Variants in AGAP1 observed in about 807,000 individuals in gnomAD.
The protein encoded by AGAP1 is arf-GAP with GTPase, ANK repeat and PH domain-containing protein 1.
A neutral mutation model predicts 105.3 loss-of-function variants in AGAP1; 29 were observed. The observed-to-expected ratio is 0.28, with a 90% CI of 0.21 to 0.38. The LOEUF (loss-of-function observed/expected upper bound fraction) is 0.38, where lower values mean the gene tolerates loss of function less well. AGAP1 is among the 10% of genes least tolerant of loss of function. The pLI is 1.00. For missense variants in AGAP1, 998 were observed against 1,165.1 expected, an observed-to-expected ratio of 0.86 and a Z score of 2.09; for synonymous variants, 509 against 485.9, an observed-to-expected ratio of 1.05 and a Z score of -0.63.
rs1477904399 is a variant in AGAP1, at chr2:235,655,830, T to G, written c.164-53349T>G. On this transcript the variant is annotated intron_variant, in intron 1 of 17. Transcript: ENST00000304032. This position sits in a 1 kb window ranked among gnomAD's most constrained non-coding sequence, Gnocchi z 4.3. ...TTATTCAGTAGAAATTTCCAAGGTATTTTTTTAAGTGAGGCACCATCCTGG... is the reference window on the plus strand; with the variant it reads ...TTATTCAGTAGAAATTTCCAAGGTAGTTTTTTAAGTGAGGCACCATCCTGG... Among the ~76,000 whole-genome samples, 1 of 152,172 alleles carries G rather than the reference T, an allele frequency of 6.6e-6. No individual in the cohort carries two copies. The highest frequency in any genetic ancestry group is 1.5e-5 in the Non-Finnish European group (1 of 68,024).
chr2:235,703,629 C>G (rs201955355), intron 1 of AGAP1, among the ~76,000 whole-genome samples: 1 of 149,510 alleles, frequency 6.7e-6, no homozygotes, highest in African/African-American at 2.5e-5. Context: ...TTCCCTCCCT[C>G]GCTCTATCCC....
rs911161308 is a variant in AGAP1, at chr2:235,927,597, C to G, written c.1325-3168C>G. Among the ~76,000 whole-genome samples, 1 of 152,192 alleles carries G rather than the reference C, an allele frequency of 6.6e-6. No homozygotes were observed. Among genetic ancestry groups the G allele is most frequent in the African/African-American group, 2.4e-5 (1 of 41,438 alleles). On this transcript the variant is annotated intron_variant, in intron 11 of 17. Transcript: ENST00000304032. The surrounding 1 kb of genome is among the most constrained non-coding windows in gnomAD (Gnocchi z 4.4). ...ATCAGCAACCTCCATTGGAACATTTCGTGGTCCCTTGTCTGGGGTTGAGAT... is the reference window on the plus strand; with the variant it reads ...ATCAGCAACCTCCATTGGAACATTTGGTGGTCCCTTGTCTGGGGTTGAGAT...
At chr2:236,084,324 ACATT>A (rs1317062587) in intron 16 of AGAP1, among the ~76,000 whole-genome samples, 1 of 152,162 alleles carries the variant, frequency 6.6e-6, no homozygotes, top group African/African-American at 2.4e-5. Context: ...AATGCACAGT[ACATT>A]CATTCATTTC....
rs186919628 is a variant in AGAP1 at position 236,073,541 on chromosome 2, C to G, written c.2114+24260C>G. Among the ~76,000 whole-genome samples the G allele has an allele frequency of 6.6e-6, 1 of 152,056 alleles. No homozygotes were observed. The highest frequency in any genetic ancestry group is 1.5e-5 in the Non-Finnish European group (1 of 68,016). On this transcript the variant is annotated intron_variant, in intron 16 of 17. Coordinates refer to ENST00000304032, the MANE Select transcript of AGAP1 (RefSeq NM_001037131.3). This position sits in a 1 kb window ranked among gnomAD's most constrained non-coding sequence, Gnocchi z 5.4. The stretch of plus-strand genomic sequence containing the variant: ...ATTGGATTATACCATCTTGGTGTTG[C>G]GCCAGTCAGGAGTAATTGTTGTAAG...
At chr2:236,065,827 C>A (rs951443268) in intron 16 of AGAP1, among the ~76,000 whole-genome samples, 3 of 152,244 alleles carry the variant, frequency 2.0e-5, no homozygotes, top group Admixed American at 6.5e-5. Context: ...TTCAGCAAAG[C>A]CTTCCAGAGT....
chr2:236,100,874 GTTGTGCAT>G (rs1167290168), intron 16 of AGAP1, among the ~76,000 whole-genome samples: 1 of 151,836 alleles, frequency 6.6e-6, no homozygotes, highest in Non-Finnish European at 1.5e-5. Context: ...AAACCCAACT[GTTGTGCAT>G]TTGTTGGATT....
intron 1 of AGAP1, among the ~76,000 whole-genome samples, chr2:235,529,759 G>A (rs1205128024): frequency 1.3e-5 from 2 of 152,202 alleles, no homozygotes; most frequent in Non-Finnish European, 2.9e-5. Context: ...TGGCTGGGCA[G>A]CCGAGGAAAG....
chr2:235,648,757 T>C (rs1172786786), intron 1 of AGAP1, among the ~76,000 whole-genome samples: 3 of 149,454 alleles, frequency 2.0e-5, no homozygotes, highest in Non-Finnish European at 3.0e-5. Flanking sequence ...CATGGTGGCA[T>C]GCGCCTGTAG....
chr2:235,904,098 ATGTT>A lies in AGAP1; in HGVS notation c.1156-4635_1156-4632del, dbSNP rs1421638827. The stretch of plus-strand genomic sequence containing the variant: ...ATTTGCATCTGGGACATCAATTAGC[ATGTT>A]TGTTGAGGCTAATTGAATGAAACTC... On this transcript the variant is annotated intron_variant, in intron 10 of 17. Transcript: ENST00000304032. The surrounding 1 kb of genome is among the most constrained non-coding windows in gnomAD (Gnocchi z 4.2). Among the ~76,000 whole-genome samples the A allele has an allele frequency of 6.6e-6, 1 of 152,208 alleles. No individual in the cohort carries two copies. Among genetic ancestry groups the A allele is most frequent in the Non-Finnish European group, 1.5e-5 (1 of 68,040 alleles).
intron 15 of AGAP1, among the ~76,000 whole-genome samples, chr2:236,047,366 C>T (rs1428907287): frequency 6.6e-6 from 1 of 151,964 alleles, no homozygotes; most frequent in Non-Finnish European, 1.5e-5. Flanking sequence ...GGGGTCCACG[C>T]CAGCTGTGTG....
At chr2:235,784,719 C>T (rs919814569) in intron 6 of AGAP1, among the ~76,000 whole-genome samples, 4 of 151,658 alleles carry the variant, frequency 2.6e-5, no homozygotes, top group South Asian at 4.2e-4. Context: ...GAATTTAGAT[C>T]GTTTTAAAAA....
rs528016362 is a variant in AGAP1 at position 235,824,168 on chromosome 2, G to C, written c.1050+16837G>C. Among the ~76,000 whole-genome samples, 1 of 152,326 alleles carries C rather than the reference G, an allele frequency of 6.6e-6. No individual in the cohort carries two copies. The highest frequency in any genetic ancestry group is 2.1e-4 in the South Asian group (1 of 4,816). On this transcript the variant is annotated intron_variant, in intron 9 of 17. Transcript: ENST00000304032. The surrounding 1 kb of genome is among the most constrained non-coding windows in gnomAD (Gnocchi z 5.2). ...ACTGCAGAAACGTTTTCTAAATAGC[G>C]CCAACGCTGAGGGGTCTTCGATTGG...
chr2:235,509,855 A>G (rs1004577643), intron 1 of AGAP1, among the ~76,000 whole-genome samples: 3 of 152,172 alleles, frequency 2.0e-5, no homozygotes, highest in African/African-American at 7.2e-5. Flanking sequence ...GTGACGGGCC[A>G]GCAAGTGAAG....
chr2:236,025,534 A>T (rs1276214593), intron 13 of AGAP1, among the ~76,000 whole-genome samples: 2 of 152,148 alleles, frequency 1.3e-5, no homozygotes, highest in African/African-American at 4.8e-5. Flanking sequence ...GGGTCCAAAA[A>T]TCTATTCACT....
chr2:236,024,780 A>G (rs2057000417), intron 13 of AGAP1, among the ~76,000 whole-genome samples: 1 of 152,256 alleles, frequency 6.6e-6, no homozygotes, highest in African/African-American at 2.4e-5. Context: ...TAGAAACTGG[A>G]CACAATTAGT....
rs2051050654 is a variant in AGAP1, at chr2:235,901,264, A to G, written c.1156-7474A>G. On this transcript the variant is annotated intron_variant, in intron 10 of 17. Transcript: ENST00000304032. This position sits in a 1 kb window ranked among gnomAD's most constrained non-coding sequence, Gnocchi z 4.3. ...TTTGGGAATAGTAGTGAACTTTACA[A>G]TGGCTTCTCTTACATACTTTTTTTT... is the stretch of plus-strand genomic sequence containing the variant. Among the ~76,000 whole-genome samples the G allele has an allele frequency of 6.6e-6, 1 of 151,686 alleles. No homozygotes were observed. The highest frequency in any genetic ancestry group is 1.5e-5 in the Non-Finnish European group (1 of 67,970).
At chr2:235,782,472 C>T (rs1956326709) in intron 6 of AGAP1, among the ~76,000 whole-genome samples, 1 of 152,198 alleles carries the variant, frequency 6.6e-6, no homozygotes, top group Non-Finnish European at 1.5e-5. Context: ...TGAGTGTCCA[C>T]AGTGAAATGG....
intron 1 of AGAP1, among the ~76,000 whole-genome samples, chr2:235,702,622 G>T (rs971020307): frequency 5.3e-5 from 8 of 152,294 alleles, no homozygotes; most frequent in Middle Eastern, 3.4e-3. Context: ...GGTATATGTT[G>T]GTAGTCATAT....
At position 236,076,248 on chromosome 2, in the gene AGAP1, G is replaced by A. The variant is rs548372277; in HGVS notation, c.2114+26967G>A. Among the ~76,000 whole-genome samples, 1 of 152,170 alleles carries A rather than the reference G, an allele frequency of 6.6e-6. No homozygotes were observed. The highest frequency in any genetic ancestry group is 2.4e-5 in the African/African-American group (1 of 41,538). On this transcript the variant is annotated intron_variant, in intron 16 of 17. Coordinates refer to ENST00000304032, the MANE Select transcript of AGAP1 (RefSeq NM_001037131.3). The surrounding 1 kb of genome is among the most constrained non-coding windows in gnomAD (Gnocchi z 4.4). Reference sequence around the variant, plus strand: ...GTGGATCACTTGAGGTCAGGAGTTCGAGACCAGCCTGGCCAACATGGTGAA... The same window carrying A: ...GTGGATCACTTGAGGTCAGGAGTTCAAGACCAGCCTGGCCAACATGGTGAA...
Sources: gnomAD v4.1 joint callset for allele counts (sites outside exome capture counted in the v4.1 genomes callset) on GRCh38, gnomAD v4.1.1 for gene constraint, Gnocchi (gnomAD v3.1) non-coding constraint, MANE v1.5 for transcripts, NCBI Gene and HGNC (gene_info 2026-07-23, HGNC 2026-07-21) for gene names.